GALNTL6: variants seen among roughly 807,000 people sequenced by gnomAD.
GALNTL6 encodes the protein polypeptide N-acetylgalactosaminyltransferase like 6, also known as polypeptide N-acetylgalactosaminyltransferase-like 6.
Under a neutral mutation model 73.7 loss-of-function variants are expected in GALNTL6, and 46 were observed. The ratio of observed to expected loss-of-function variants is 0.62; its 90% confidence interval spans 0.49 to 0.80. The LOEUF (loss-of-function observed/expected upper bound fraction) is 0.80. Among genes scored for constraint, GALNTL6 ranks in the 30% least tolerant of loss-of-function variants. The pLI, the probability that GALNTL6 is intolerant of heterozygous loss-of-function variation, is 0.00. For missense variants in GALNTL6, 604 were observed against 755.0 expected (o/e 0.80, Z 2.34); for synonymous variants, 259 against 263.7 (o/e 0.98, Z 0.17).
chr4:173,015,045 C>T (rs747122111), intron 11 of GALNTL6, among the ~76,000 whole-genome samples: 1 of 152,154 alleles, frequency 6.6e-6, no homozygotes, highest in Non-Finnish European at 1.5e-5. Flanking sequence ...TTCTATAAGG[C>T]GCTTTTCCCC....
intron 2 of GALNTL6, among the ~76,000 whole-genome samples, chr4:171,920,923 A>G (rs1305621387): frequency 6.6e-6 from 1 of 152,122 alleles, no homozygotes; most frequent in African/African-American, 2.4e-5. Flanking sequence ...ACCAATATTT[A>G]CTTTTGACTC....
intron 5 of GALNTL6, among the ~76,000 whole-genome samples, chr4:172,728,847 TGAAGGTTGCCCTTTCTC>T (rs1219011928): frequency 1.3e-5 from 2 of 152,194 alleles, no homozygotes; most frequent in Non-Finnish European, 2.9e-5. Flanking sequence ...ACTTAGCGTA[TGAAGGTTGCCCTTTCTC>T]CACATCCTTG....
At chr4:171,931,542 G>A (rs1738185355) in intron 2 of GALNTL6, among the ~76,000 whole-genome samples, 1 of 152,164 alleles carries the variant, frequency 6.6e-6, no homozygotes, top group Admixed American at 6.5e-5. Context: ...TTCTAATGCT[G>A]ATTTTTAAGT....
Position 172,052,447 on chromosome 4 carries a change from G to A in GALNTL6, c.139-177209G>A, listed in dbSNP as rs1476586872. On this transcript the variant is annotated intron_variant, in intron 2 of 12. Coordinates refer to ENST00000506823, the MANE Select transcript of GALNTL6 (RefSeq NM_001034845.3). Reference sequence around the variant, plus strand: ...ACCCCAACCCATTCACCAGCCAGATGAGAGCCAAGTTCAGAGCCGGAGCTG... The same window carrying A: ...ACCCCAACCCATTCACCAGCCAGATAAGAGCCAAGTTCAGAGCCGGAGCTG... The A allele has an allele frequency of 6.5e-6, 10 of 1,534,942 alleles. No homozygotes were observed. In the East Asian group the frequency reaches 1.5e-4, roughly 23 times the overall value.
intron 3 of GALNTL6, among the ~76,000 whole-genome samples, chr4:172,231,872 T>C (rs1424626606): frequency 6.6e-6 from 1 of 152,048 alleles, no homozygotes; most frequent in Non-Finnish European, 1.5e-5. Flanking sequence ...CCTTTCCACC[T>C]CCTGAATAAA....
chr4:172,118,034 C>G (rs753631511), intron 2 of GALNTL6, among the ~76,000 whole-genome samples: 15 of 151,956 alleles, frequency 9.9e-5, no homozygotes, highest in Non-Finnish European at 1.3e-4. Context: ...TAAAGCTAAC[C>G]TTTGTGCATT....
At chr4:172,617,084 C>T (rs1351220048) in intron 5 of GALNTL6, among the ~76,000 whole-genome samples, 1 of 151,496 alleles carries the variant, frequency 6.6e-6, no homozygotes, top group African/African-American at 2.4e-5. Flanking sequence ...CAAAAATAGA[C>T]ACATTTTCTG....
At chr4:172,926,063 T>C (rs1748042334) in intron 8 of GALNTL6, among the ~76,000 whole-genome samples, 1 of 152,180 alleles carries the variant, frequency 6.6e-6, no homozygotes, top group Admixed American at 6.5e-5. Context: ...ATAACAGAAA[T>C]TTATTTCTCA....
At chr4:172,722,201 A>C (rs1735523246) in intron 5 of GALNTL6, among the ~76,000 whole-genome samples, 1 of 152,196 alleles carries the variant, frequency 6.6e-6, no homozygotes, top group African/African-American at 2.4e-5. Context: ...CACTAAAATT[A>C]AAAAGCAGTA....
chr4:172,692,933 G>T (rs1733404276), intron 5 of GALNTL6, among the ~76,000 whole-genome samples: 1 of 152,168 alleles, frequency 6.6e-6, no homozygotes, highest in Non-Finnish European at 1.5e-5. Context: ...ACTCATCCAA[G>T]GCTGAAGATC....
intron 5 of GALNTL6, among the ~76,000 whole-genome samples, chr4:172,653,499 G>A (rs191302733): frequency 7.2e-5 from 11 of 152,184 alleles, no homozygotes; most frequent in African/African-American, 2.2e-4. Context: ...GGGATTACAG[G>A]CGTGAGCCAC....
intron 3 of GALNTL6, among the ~76,000 whole-genome samples, chr4:172,297,846 G>A (rs1463446723): frequency 1.3e-5 from 2 of 151,858 alleles, no homozygotes; most frequent in African/African-American, 2.4e-5. Context: ...CTCTTTTTTG[G>A]TTCCATATGA....
At chr4:172,159,081 G>C (rs1027310237) in intron 2 of GALNTL6, among the ~76,000 whole-genome samples, 1 of 152,138 alleles carries the variant, frequency 6.6e-6, no homozygotes, top group Non-Finnish European at 1.5e-5. Context: ...GTACCTATCA[G>C]GGCCAGCTTT....
intron 5 of GALNTL6, among the ~76,000 whole-genome samples, chr4:172,497,991 C>CTTTTTTTTT (rs10669113): frequency 1.3e-4 from 14 of 104,542 alleles, no homozygotes; most frequent in Non-Finnish European, 1.5e-4. Flanking sequence ...TGTCACATTT[C>CTTTTTTTTT]TTTTTTTTTT....
At chr4:171,855,799 A>C (rs192285972) in intron 2 of GALNTL6, among the ~76,000 whole-genome samples, 6 of 152,246 alleles carry the variant, frequency 3.9e-5, no homozygotes, top group Admixed American at 3.9e-4. Flanking sequence ...GGTTTTAGCC[A>C]ATTTAATAGG....
chr4:171,862,493 G>C (rs945882927), intron 2 of GALNTL6, among the ~76,000 whole-genome samples: 1 of 151,918 alleles, frequency 6.6e-6, no homozygotes, highest in Non-Finnish European at 1.5e-5. Context: ...AACTGTTTTT[G>C]AGAATTTGGA....
At chr4:172,781,310 AG>A (rs1398409451) in intron 5 of GALNTL6, among the ~76,000 whole-genome samples, 3 of 152,214 alleles carry the variant, frequency 2.0e-5, no homozygotes, top group African/African-American at 4.8e-5. Context: ...AAACTTTCGA[AG>A]GAGTAAATAT....
intron 10 of GALNTL6, among the ~76,000 whole-genome samples, chr4:172,994,062 T>C (rs1474312960): frequency 1.3e-5 from 2 of 152,044 alleles, no homozygotes; most frequent in Admixed American, 6.6e-5. Context: ...AGTAAGAAAT[T>C]TGAGGAGGGA....
chr4:172,644,543 G>A (rs1740145152), intron 5 of GALNTL6, among the ~76,000 whole-genome samples: 1 of 151,882 alleles, frequency 6.6e-6, no homozygotes, highest in Non-Finnish European at 1.5e-5. Context: ...AATACATGGA[G>A]AGTCATTCAT....
Sources: allele counts gnomAD v4.1 joint callset (sites outside exome capture counted in the v4.1 genomes callset), GRCh38; gene constraint gnomAD v4.1.1; transcripts MANE v1.5; gene names NCBI Gene and HGNC (gene_info 2026-07-23, HGNC 2026-07-21).